BNC2: variants seen among roughly 807,000 people sequenced by gnomAD.
BNC2 encodes the protein zinc finger protein basonuclin-2.
In BNC2, 20 loss-of-function variants were observed where a neutral mutation model predicts 76.3. The ratio of observed to expected loss-of-function variants is 0.26; its 90% confidence interval spans 0.18 to 0.38. The LOEUF (loss-of-function observed/expected upper bound fraction) is 0.38, where lower values mean the gene tolerates loss of function less well. Ranked by LOEUF, BNC2 falls within the 10% of genes least tolerant of loss-of-function variation. The pLI is 1.00. For synonymous variants in BNC2, 582 were observed against 514.8 expected (o/e 1.13, Z -1.77); for missense variants, 1,382 against 1,399.8 (o/e 0.99, Z 0.20).
At chr9:16,691,490 G>A (rs1823161453) in intron 3 of BNC2, among the ~76,000 whole-genome samples, 1 of 145,388 alleles carries the variant, frequency 6.9e-6, no homozygotes, top group Admixed American at 7.2e-5. Flanking sequence ...CAGATCCACG[G>A]ATGGGTATGG....
In BNC2 at chr9:16,437,386, C is replaced by T. The variant is rs910163620; in HGVS notation, c.808G>A (p.Ala270Thr). The change falls in exon 6 of 7, where the codon GCC (alanine) becomes ACC (threonine). Residue 270 changes from alanine (A) to threonine (T), a missense_variant. Coordinates refer to ENST00000380672, the MANE Select transcript of BNC2 (RefSeq NM_017637.6). ...LMAIQEKEGQ[A>T]VAVPSSKTDS... Reference sequence around the variant, plus strand: ...GTCTTTGAAGATGGTACAGCCACGGCCTGCCCTTCTTTCTCCTGAATTGCC... The same window carrying T: ...GTCTTTGAAGATGGTACAGCCACGGTCTGCCCTTCTTTCTCCTGAATTGCC... 6.2e-7 allele frequency: 1 copy of T among 1,612,206 alleles called. No homozygotes were observed. Among genetic ancestry groups the T allele is most frequent in the Non-Finnish European group, 8.5e-7 (1 of 1,178,540 alleles).
intron 5 of BNC2, among the ~76,000 whole-genome samples, chr9:16,444,387 T>A (rs1391739527): frequency 1.3e-5 from 2 of 152,188 alleles, no homozygotes; most frequent in Non-Finnish European, 2.9e-5. Context: ...GTATGTGCTA[T>A]GCACACACAC....
chr9:16,662,230 C>T (rs572585834), intron 3 of BNC2, among the ~76,000 whole-genome samples: 1 of 152,322 alleles, frequency 6.6e-6, no homozygotes, highest in African/African-American at 2.4e-5. Context: ...TGTGATGCTA[C>T]ATATTTAAAA....
intron 1 of BNC2, among the ~76,000 whole-genome samples, chr9:16,864,102 C>G (rs1177892801): frequency 6.6e-6 from 1 of 152,082 alleles, no homozygotes; most frequent in East Asian, 1.9e-4. Flanking sequence ...TTGAAAATGA[C>G]CACATTATCA....
intron 1 of BNC2, among the ~76,000 whole-genome samples, chr9:16,861,238 C>T (rs1453009658): frequency 6.8e-6 from 1 of 146,644 alleles, no homozygotes; most frequent in African/African-American, 2.6e-5. Flanking sequence ...CTTGTAGTCC[C>T]AATTACTACG....
At chr9:16,588,766 GAGGTCTCT>G (rs1207749441) in intron 3 of BNC2, among the ~76,000 whole-genome samples, 1 of 152,154 alleles carries the variant, frequency 6.6e-6, no homozygotes, top group Non-Finnish European at 1.5e-5. Flanking sequence ...CACTAAAGCT[GAGGTCTCT>G]AGCTCTACAG....
At chr9:16,819,773 A>G (rs1818272971) in intron 1 of BNC2, among the ~76,000 whole-genome samples, 1 of 152,160 alleles carries the variant, frequency 6.6e-6, no homozygotes, top group Non-Finnish European at 1.5e-5. Context: ...CACTCTGAAA[A>G]TATCATCTCA....
chr9:16,669,494 A>G (rs1822409925), intron 3 of BNC2, among the ~76,000 whole-genome samples: 5 of 152,198 alleles, frequency 3.3e-5, no homozygotes, highest in Admixed American at 3.3e-4. Context: ...ATAGCAAATG[A>G]GATGCACATC....
rs148263900 is a variant in BNC2, at chr9:16,775,702, G to A, written c.4-37217C>T. On this transcript the variant is annotated intron_variant, in intron 1 of 6. Coordinates refer to ENST00000380672, the MANE Select transcript of BNC2 (RefSeq NM_017637.6). ...TTTGGTCTTCTAGGATTTCTTCAAT[G>A]GATACTTGCTGGAGGGGTGTGTCAT... The A allele has an allele frequency of 3.0e-3, 673 of 222,036 alleles. 2 individuals carry two copies. The highest frequency in any genetic ancestry group is 4.1e-3 in the Non-Finnish European group (408 of 98,964). The allele number at this position is 222,036 out of a possible 1,614,324, so 13.8% of individuals were successfully genotyped here. A position where few individuals can be genotyped will look rare whatever the true frequency, so the allele number is the denominator to read the frequency against.
At chr9:16,529,078 T>C (rs1440456856) in intron 5 of BNC2, among the ~76,000 whole-genome samples, 2 of 152,232 alleles carry the variant, frequency 1.3e-5, no homozygotes, top group Non-Finnish European at 2.9e-5. Context: ...ATATGTCTTC[T>C]GCTCTGTATG....
chr9:16,809,478 T>G (rs962222553), intron 1 of BNC2, among the ~76,000 whole-genome samples: 1 of 152,168 alleles, frequency 6.6e-6, no homozygotes, highest in Non-Finnish European at 1.5e-5. Flanking sequence ...CACAGACTTA[T>G]GCAAATAAAT....
chr9:16,577,719 A>C (rs1819524565), intron 4 of BNC2, among the ~76,000 whole-genome samples: 1 of 152,222 alleles, frequency 6.6e-6, no homozygotes, highest in Non-Finnish European at 1.5e-5. Flanking sequence ...GTAAAAGGAA[A>C]TCACATTTAC....
chr9:16,644,059 G>C (rs1821560422), intron 3 of BNC2, among the ~76,000 whole-genome samples: 1 of 152,154 alleles, frequency 6.6e-6, no homozygotes, highest in South Asian at 2.1e-4. Flanking sequence ...AGTCAAAGCA[G>C]AGATTCACAG....
At chr9:16,604,364 C>T (rs972083156) in intron 3 of BNC2, among the ~76,000 whole-genome samples, 2 of 152,152 alleles carry the variant, frequency 1.3e-5, no homozygotes, top group Non-Finnish European at 2.9e-5. Flanking sequence ...AGAAAAGCTG[C>T]ATGACATAAT....
chr9:16,432,579 G>C (rs941192432), intron 6 of BNC2, among the ~76,000 whole-genome samples: 4 of 152,158 alleles, frequency 2.6e-5, no homozygotes, highest in African/African-American at 4.8e-5. Flanking sequence ...AGAAGGAAGA[G>C]GGCAATTCTG....
At chr9:16,640,187 G>T (rs1821451843) in intron 3 of BNC2, among the ~76,000 whole-genome samples, 1 of 151,656 alleles carries the variant, frequency 6.6e-6, no homozygotes, top group Non-Finnish European at 1.5e-5. Flanking sequence ...AGCAAAAGAA[G>T]AAAACAAAGT....
intron 3 of BNC2, among the ~76,000 whole-genome samples, chr9:16,700,849 C>T (rs1035053497): frequency 1.3e-5 from 2 of 152,182 alleles, no homozygotes; most frequent in South Asian, 4.2e-4. Context: ...CACCTGTAAT[C>T]GCGGTTATTT....
chr9:16,755,259 G>T (rs977059841), intron 1 of BNC2, among the ~76,000 whole-genome samples: 6 of 152,130 alleles, frequency 3.9e-5, no homozygotes, highest in Non-Finnish European at 7.3e-5. Flanking sequence ...AGCACACTGG[G>T]TGCAGGAAAA....
intron 1 of BNC2, among the ~76,000 whole-genome samples, chr9:16,800,005 AC>A (rs1448233365): frequency 6.6e-6 from 1 of 152,074 alleles, no homozygotes. Flanking sequence ...TGGGCAGATC[AC>A]CTGAGATCAG....
Sources: allele counts gnomAD v4.1 joint callset (sites outside exome capture counted in the v4.1 genomes callset), GRCh38; gene constraint gnomAD v4.1.1; transcripts MANE v1.5; gene names NCBI Gene and HGNC (gene_info 2026-07-23, HGNC 2026-07-21).